The following PRKN variants were observed in gnomAD, a reference collection of about 807,000 sequenced individuals.
PRKN encodes E3 ubiquitin-protein ligase parkin.
A neutral mutation model predicts 59.5 loss-of-function variants in PRKN; 56 were observed. The observed-to-expected ratio is 0.94, with a 90% CI of 0.76 to 1.18. The LOEUF (loss-of-function observed/expected upper bound fraction) is 1.18, where lower values mean the gene tolerates loss of function less well. Ranked by LOEUF, PRKN falls within the 50% of genes most tolerant of loss-of-function variation. The pLI is 0.00. For synonymous variants in PRKN, 250 were observed against 222.1 expected, an observed-to-expected ratio of 1.13 and a Z score of -1.12; for missense variants, 657 against 596.4, an observed-to-expected ratio of 1.10 and a Z score of -1.06.
At position 161,416,587 on chromosome 6, in the gene PRKN, C is replaced by A. The variant is rs139676399; in HGVS notation, c.1084-29710G>T. 2.4e-3 allele frequency among the ~76,000 whole-genome samples: 363 copies of A among 152,172 alleles called. 4 individuals carry two copies. The highest frequency in any genetic ancestry group is 8.5e-3 in the African/African-American group (353 of 41,484). ...CAACAGAGAGTAATAGCAACAGAGA[C>A]CCGTTCTTACCAGTGACCCCCGACC... is the stretch of plus-strand genomic sequence containing the variant. On this transcript the variant is annotated intron_variant, in intron 9 of 11. Transcript: ENST00000366898.
At chr6:162,373,430 C>T (rs995084736) in intron 2 of PRKN, among the ~76,000 whole-genome samples, 3 of 152,116 alleles carry the variant, frequency 2.0e-5, no homozygotes, top group Non-Finnish European at 2.9e-5. Context: ...TTTGACATTT[C>T]TAACCTCTTC....
chr6:161,411,280 G>A (rs1225923708), intron 9 of PRKN, among the ~76,000 whole-genome samples: 4 of 152,120 alleles, frequency 2.6e-5, no homozygotes, highest in African/African-American at 9.7e-5. Context: ...TCCCCATACT[G>A]TCCTTGTGGT....
At chr6:162,469,285 T>C (rs1791590252) in intron 1 of PRKN, among the ~76,000 whole-genome samples, 1 of 135,154 alleles carries the variant, frequency 7.4e-6, no homozygotes, top group African/African-American at 2.8e-5. Context: ...CAACAGCCAA[T>C]GGTGTTGCTA....
chr6:162,469,509 T>TGC (rs138629955), intron 1 of PRKN, among the ~76,000 whole-genome samples: 1 of 148,928 alleles, frequency 6.7e-6, no homozygotes, highest in African/African-American at 2.5e-5. Context: ...TGTGTGTGTA[T>TGC]ACACACACAC....
chr6:162,018,079 T>C (rs911560606), intron 5 of PRKN, among the ~76,000 whole-genome samples: 6 of 152,152 alleles, frequency 3.9e-5, no homozygotes, highest in African/African-American at 1.4e-4. Context: ...CAGGCTGGAG[T>C]GCAGTGACAT....
chr6:162,557,294 G>A (rs940757834), intron 1 of PRKN, among the ~76,000 whole-genome samples: 6 of 152,132 alleles, frequency 3.9e-5, no homozygotes, highest in Non-Finnish European at 8.8e-5. Context: ...CTTGGTAGTC[G>A]AACAAACACG....
intron 3 of PRKN, among the ~76,000 whole-genome samples, chr6:162,235,972 A>AGAAAGAAAG (rs1491262524): frequency 3.1e-5 from 3 of 97,948 alleles, no homozygotes; most frequent in African/African-American, 6.2e-5. Flanking sequence ...AAAGAAAGAA[A>AGAAAGAAAG]GAAAGAAAGA....
rs979017407 is a variant in PRKN, at chr6:161,819,304, A to G, written c.735-33396T>C. Reference sequence around the variant, plus strand: ...GTCAGGAGTTCAAGCCAGCCTGGACAACATGGTGAAACCCTATCTCTACTA... The same window carrying G: ...GTCAGGAGTTCAAGCCAGCCTGGACGACATGGTGAAACCCTATCTCTACTA... On this transcript the variant is annotated intron_variant, in intron 6 of 11. Coordinates refer to ENST00000366898, the MANE Select transcript of PRKN (RefSeq NM_004562.3). Among the ~76,000 whole-genome samples the G allele has an allele frequency of 5.9e-5, 9 of 152,278 alleles. 1 individual carries two copies. In the South Asian group the frequency reaches 1.9e-3, roughly 32 times the overall value.
At position 161,972,229 on chromosome 6, in the gene PRKN, C is replaced by T. The variant is rs1357048541; in HGVS notation, c.734+1073G>A. Among the ~76,000 whole-genome samples the T allele has an allele frequency of 2.0e-5, 3 of 151,314 alleles. No homozygotes were observed. The East Asian group carries it at 5.8e-4, about 29-fold the overall frequency. ...GCGGAGGTTGCAGTGAGCCGAGATC[C>T]CGCCATTGCACTCCAGCCTGAGCAA... is the stretch of plus-strand genomic sequence containing the variant. On this transcript the variant is annotated intron_variant, in intron 6 of 11. Transcript: ENST00000366898.
In PRKN at chr6:161,561,644, C is replaced by T. The variant is rs1035835083; in HGVS notation, c.933+7711G>A. On this transcript the variant is annotated intron_variant, in intron 8 of 11. Coordinates refer to ENST00000366898, the MANE Select transcript of PRKN (RefSeq NM_004562.3). This position sits in a 1 kb window ranked among gnomAD's most constrained non-coding sequence, Gnocchi z 5.0. Reference sequence around the variant, plus strand: ...TTCCTCCTGTTAGGGGCCGATTCCTCCCTCTCTGCTGGATCTGAGCCCTTC... The same window carrying T: ...TTCCTCCTGTTAGGGGCCGATTCCTTCCTCTCTGCTGGATCTGAGCCCTTC... Among the ~76,000 whole-genome samples the T allele has an allele frequency of 2.0e-5, 3 of 152,162 alleles. No individual in the cohort carries two copies. Among genetic ancestry groups the T allele is most frequent in the Non-Finnish European group, 4.4e-5 (3 of 68,036 alleles).
intron 9 of PRKN, among the ~76,000 whole-genome samples, chr6:161,450,702 G>A (rs973404098): frequency 1.4e-4 from 22 of 151,926 alleles, no homozygotes; most frequent in African/African-American, 4.6e-4. Flanking sequence ...GACTACAGGT[G>A]CCCGCCACCA....
At chr6:162,445,689 TAAA>T (rs71004091) in intron 1 of PRKN, among the ~76,000 whole-genome samples, 12 of 28,726 alleles carry the variant, frequency 4.2e-4, no homozygotes, top group Admixed American at 2.0e-3. Context: ...AGACCTTGTC[TAAA>T]AAAAAAAAAA....
At chr6:162,635,680 T>A (rs59277455) in intron 1 of PRKN, among the ~76,000 whole-genome samples, 3,146 of 152,250 alleles carry the variant, frequency 0.021, 113 homozygotes, top group African/African-American at 0.071. Context: ...TCATTATGAT[T>A]TAAGAGTTTG....
intron 1 of PRKN, among the ~76,000 whole-genome samples, chr6:162,531,473 T>TA (rs1778512423): frequency 6.6e-6 from 1 of 151,886 alleles, no homozygotes; most frequent in Non-Finnish European, 1.5e-5. Context: ...ACTTGGTGGG[T>TA]GGGGGGAAGC....
At chr6:162,350,671 A>T (rs1784586483) in intron 2 of PRKN, among the ~76,000 whole-genome samples, 1 of 152,192 alleles carries the variant, frequency 6.6e-6, no homozygotes, top group African/African-American at 2.4e-5. Flanking sequence ...CAAAATTAAC[A>T]CACAATTGAT....
chr6:162,454,862 C>T (rs141558717), intron 1 of PRKN, among the ~76,000 whole-genome samples: 83 of 152,350 alleles, frequency 5.4e-4, no homozygotes, highest in Middle Eastern at 3.4e-3. Flanking sequence ...CAACTGGGAA[C>T]GGGGAGCCTC....
intron 7 of PRKN, chr6:161,783,576 G>A: frequency 2.1e-6 from 1 of 477,702 alleles, no homozygotes; most frequent in South Asian, 1.6e-5. Flanking sequence ...AAAAGAAAAT[G>A]GGTTCAAAAT....
chr6:161,673,119 G>A (rs1342991170), intron 7 of PRKN, among the ~76,000 whole-genome samples: 1 of 152,058 alleles, frequency 6.6e-6, no homozygotes, highest in African/African-American at 2.4e-5. Flanking sequence ...CACTCGGCCC[G>A]GCACTCCCCT....
chr6:162,195,439 G>A (rs184908197), intron 4 of PRKN, among the ~76,000 whole-genome samples: 62 of 152,304 alleles, frequency 4.1e-4, no homozygotes, highest in African/African-American at 1.2e-3. Context: ...CAATTAATCT[G>A]TAACAAATAT....
Sources: gnomAD v4.1 joint callset for allele counts (sites outside exome capture counted in the v4.1 genomes callset) on GRCh38, gnomAD v4.1.1 for gene constraint, Gnocchi (gnomAD v3.1) non-coding constraint, MANE v1.5 for transcripts, NCBI Gene and HGNC (gene_info 2026-07-23, HGNC 2026-07-21) for gene names.